The following PLD2 variants were observed in gnomAD, a reference collection of about 807,000 sequenced individuals.
PLD2 encodes the protein phospholipase D2.
In PLD2, 101 loss-of-function variants were observed where a neutral mutation model predicts 119.8. The ratio of observed to expected loss-of-function variants is 0.84; its 90% CI spans 0.72 to 0.99. The LOEUF (loss-of-function observed/expected upper bound fraction) is 0.99, where lower values mean the gene tolerates loss of function less well. PLD2 is among the 50% of genes least tolerant of loss of function. The probability of loss-of-function intolerance (pLI) is 0.00; values close to 1 mark genes in which losing one functional copy is unlikely to be tolerated. For missense variants in PLD2, 1,164 were observed against 1,226.8 expected (o/e 0.95, Z 0.76); for synonymous variants, 494 against 482.8 (o/e 1.02, Z -0.30).
chr17:4,809,015 C>A, intron 4 of PLD2, 85 bp from the exon 5 acceptor site: 1 of 1,082,584 alleles, frequency 9.2e-7, no homozygotes, highest in Non-Finnish European at 1.4e-6. Flanking sequence ...TCTTCTTTTC[C>A]TCCGAGCCCC....
chr17:4,808,153 G>T lies in PLD2; in HGVS notation c.240+39G>T, dbSNP rs1446158078. 3 of 1,593,856 alleles carry T rather than the reference G, an allele frequency of 1.9e-6. No homozygotes were observed. The highest frequency in any genetic ancestry group is 2.6e-6 in the Non-Finnish European group (3 of 1,165,618). ...CCCCAGGGAGGGGGAAAGGGAGGGCGGCCCGGAATGGATCCAAGGTGGCTG... is the reference window on the plus strand; with the variant it reads ...CCCCAGGGAGGGGGAAAGGGAGGGCTGCCCGGAATGGATCCAAGGTGGCTG... On this transcript the variant is annotated intron_variant, in intron 3 of 24. Coordinates refer to ENST00000263088, the MANE Select transcript of PLD2 (RefSeq NM_002663.5). This position sits in a 1 kb window ranked among gnomAD's most constrained non-coding sequence, Gnocchi z 4.1.
chr17:4,821,865 G>A lies in PLD2; in HGVS notation c.2535G>A (p.Leu845=). The A allele has an allele frequency of 6.2e-7, 1 of 1,614,072 alleles. No homozygotes were observed. The highest frequency in any genetic ancestry group is 1.1e-5 in the South Asian group (1 of 91,080). The change falls in exon 24 of 25, where the codon TTG becomes TTA. Residue 845 remains leucine (L), a synonymous_variant. Coordinates refer to ENST00000263088, the MANE Select transcript of PLD2 (RefSeq NM_002663.5). The part of the protein sequence containing the change: ...RDPICDDFFQ[L]WQDMAESNAN... ...CCATCTGTGATGACTTCTTCCAGTT[G>A]TGGCAAGACATGGCTGAGAGCAACG...
In PLD2 at chr17:4,808,470, T is replaced by G; in HGVS notation, c.383+54T>G. 1 of 1,568,296 alleles carries G rather than the reference T, an allele frequency of 6.4e-7. No individual in the cohort carries two copies. Among genetic ancestry groups the G allele is most frequent in the Admixed American group, 1.7e-5 (1 of 58,280 alleles). On this transcript the variant is annotated intron_variant, in intron 4 of 24. Transcript: ENST00000263088. The surrounding 1 kb of genome is among the most constrained non-coding windows in gnomAD (Gnocchi z 4.1). ...AGGGCAGGTGCTCCCCACCCTCCTTTCTGTCTGTCTCACCCCGGGGCCACA... is the reference window on the plus strand; with the variant it reads ...AGGGCAGGTGCTCCCCACCCTCCTTGCTGTCTGTCTCACCCCGGGGCCACA...
Position 4,822,887 on chromosome 17 carries a change from G to A in PLD2, c.*23G>A, listed in dbSNP as rs777949702. On this transcript the variant is annotated 3_prime_UTR_variant, in exon 25 of 25. Coordinates refer to ENST00000263088, the MANE Select transcript of PLD2 (RefSeq NM_002663.5). ...TAGTTGAGGCCCCCGTCAGGGAGAG[G>A]TCACCAGCTGCTGTGCCCCACCACG... 8.9e-6 allele frequency: 12 copies of A among 1,352,004 alleles called. No homozygotes were observed. The highest frequency in any genetic ancestry group is 1.3e-5 in the Non-Finnish European group (12 of 950,212). 83.8% of individuals were successfully genotyped at this position (1,352,004 alleles called of 1,614,324 possible).
At position 4,819,490 on chromosome 17, in the gene PLD2, G is replaced by A. The variant is rs1052751; in HGVS notation, c.2370G>A (p.Leu790=). 261,404 of 1,613,798 alleles carry A rather than the reference G, an allele frequency of 0.16. 21,822 individuals are homozygous for A. Among genetic ancestry groups the A allele is most frequent in the Non-Finnish European group, 0.18 (206,668 of 1,179,862 alleles). ...AGCGGGACAGTGAGCTGGCCGTGCT[G>A]ATCGAGGACACAGAGACGGAACCAT... is the stretch of plus-strand genomic sequence containing the variant. ...LGKRDSELAV[L]IEDTETEPSL... Residue 790 remains leucine (L), a synonymous_variant, in exon 23 of 25, where the codon CTG becomes CTA. Transcript: ENST00000263088. This position sits in a 1 kb window ranked among gnomAD's most constrained non-coding sequence, Gnocchi z 4.2.
chr17:4,821,730 T>C (rs1411568449), intron 23 of PLD2, 63 bp from the exon 24 acceptor site: 2 of 1,195,042 alleles, frequency 1.7e-6, no homozygotes, highest in Non-Finnish European at 1.2e-6. Context: ...AATGTAACTT[T>C]TCTGGTACTC....
Position 4,810,088 on chromosome 17 carries a change from C to T in PLD2, c.860+59C>T, listed in dbSNP as rs1906305205. ...AGTGGTGAGCCCACCCACGGCCTTG[C>T]TGGGAGTTGAGAAAGAGAGACCACA... is the stretch of plus-strand genomic sequence containing the variant. On this transcript the variant is annotated intron_variant, in intron 9 of 24. Transcript: ENST00000263088. 1.8e-5 allele frequency: 28 copies of T among 1,560,384 alleles called. No individual in the cohort carries two copies. The South Asian group carries it at 2.7e-4, about 15-fold the overall frequency.
chr17:4,822,613 T>TAC (rs1452349667), intron 24 of PLD2, 27 bp from the exon 25 acceptor site: 3 of 1,528,298 alleles, frequency 2.0e-6, no homozygotes, highest in Non-Finnish European at 2.7e-6. Flanking sequence ...CCCCAAGCCT[T>TAC]ACTGGCGTCC....
rs763871135 is a variant in PLD2 at position 4,810,011 on chromosome 17, G to T, written c.842G>T (p.Arg281Leu). 1.9e-6 allele frequency: 3 copies of T among 1,613,054 alleles called. No homozygotes were observed. Among genetic ancestry groups the T allele is most frequent in the Non-Finnish European group, 2.5e-6 (3 of 1,180,036 alleles). Reference sequence around the variant, plus strand: ...AGCACGGAGGCACGGCACGGCGTGCGGATCGATACCTCCCACAGGTGAGGC... The same window carrying T: ...AGCACGGAGGCACGGCACGGCGTGCTGATCGATACCTCCCACAGGTGAGGC... ...KRSTEARHGVRIDTSHRSLIL... is the reference protein window; with the variant it reads ...KRSTEARHGVLIDTSHRSLIL... The change falls in exon 9 of 25, where the codon CGG becomes CTG. Residue 281 changes from arginine (R) to leucine (L), a missense_variant. Coordinates refer to ENST00000263088, the MANE Select transcript of PLD2 (RefSeq NM_002663.5).
In PLD2 at chr17:4,820,875, C is replaced by CAA. The variant is rs932131386; in HGVS notation, c.2463-907_2463-906dup. On this transcript the variant is annotated intron_variant, in intron 23 of 24. Transcript: ENST00000263088. ...ACAGGCATGAGCCACCACGCCCGGC[C>CAA]AAAAAAAAAAAACTTTTGTGTTTTG... Among the ~76,000 whole-genome samples the CAA allele has an allele frequency of 5.4e-3, 711 of 132,380 alleles. 3 individuals carry two copies. Among genetic ancestry groups the CAA allele is most frequent in the African/African-American group, 0.018 (639 of 36,076 alleles). 86.8% of individuals were successfully genotyped at this position (132,380 alleles called of 152,430 possible).
chr17:4,810,372 C>T (rs1304103647), intron 9 of PLD2, among the ~76,000 whole-genome samples: 3 of 152,084 alleles, frequency 2.0e-5, no homozygotes, highest in South Asian at 2.1e-4. Context: ...TGGCCGGGCG[C>T]GGTGGCTCAC....
intron 20 of PLD2, 43 bp from the exon 21 acceptor site, chr17:4,818,731 C>T (rs754010544): frequency 1.2e-6 from 2 of 1,612,096 alleles, no homozygotes; most frequent in Non-Finnish European, 1.7e-6. Context: ...CCTCCCCTCC[C>T]CTCTGCCAGC....
intron 23 of PLD2, among the ~76,000 whole-genome samples, chr17:4,820,586 CT>C (rs1288843887): frequency 1.2e-5 from 1 of 86,484 alleles, no homozygotes; most frequent in African/African-American, 4.5e-5. Flanking sequence ...TTTTTTTTTT[CT>C]TTTTTTTTGA....
chr17:4,816,671 C>G lies in PLD2; in HGVS notation c.1507C>G (p.Gln503Glu), dbSNP rs750641014. ...SPATPDLSHN[Q>E]FFWLGKDYSN... ...AGCCACCCCAGACCTCTCTCACAACCAATTCTTCTGGCTGGGCAAGGACTA... is the reference window on the plus strand; with the variant it reads ...AGCCACCCCAGACCTCTCTCACAACGAATTCTTCTGGCTGGGCAAGGACTA... Residue 503 changes from glutamine (Q) to glutamate (E), a missense_variant, in exon 15 of 25, where the codon CAA (glutamine) becomes GAA (glutamate). Coordinates refer to ENST00000263088, the MANE Select transcript of PLD2 (RefSeq NM_002663.5). 2.1e-5 allele frequency: 34 copies of G among 1,614,160 alleles called. 1 individual carries two copies. The highest frequency in any genetic ancestry group is 2.9e-5 in the Non-Finnish European group (34 of 1,180,026).
chr17:4,823,187 G>A lies in PLD2; in HGVS notation c.*323G>A. ...TCAAGCCTCTTATTCCAGGAGAAGG[G>A]GGCTCTGCCCCAGGCCCTACTACCC... is the stretch of plus-strand genomic sequence containing the variant. On this transcript the variant is annotated 3_prime_UTR_variant, in exon 25 of 25. Coordinates refer to ENST00000263088, the MANE Select transcript of PLD2 (RefSeq NM_002663.5). 3.9e-6 allele frequency: 1 copy of A among 256,640 alleles called. No homozygotes were observed. The highest frequency in any genetic ancestry group is 7.4e-6 in the Non-Finnish European group (1 of 135,000). 15.9% of individuals were successfully genotyped at this position (256,640 alleles called of 1,614,324 possible).
chr17:4,813,069 G>A (rs899356916), intron 10 of PLD2, among the ~76,000 whole-genome samples: 3 of 152,180 alleles, frequency 2.0e-5, no homozygotes. Context: ...GAGTGCAGTG[G>A]CGCGATACCA....
chr17:4,819,115 C>G lies in PLD2; in HGVS notation c.2205C>G (p.Ile735Met), dbSNP rs1289057573. 4.3e-6 allele frequency: 7 copies of G among 1,614,090 alleles called. No individual in the cohort carries two copies. Among genetic ancestry groups the G allele is most frequent in the East Asian group, 4.5e-5 (2 of 44,892 alleles). Residue 735 changes from isoleucine to methionine, a missense_variant, in exon 22 of 25, where the codon ATC becomes ATG. Transcript: ENST00000263088. The surrounding 1 kb of genome is among the most constrained non-coding windows in gnomAD (Gnocchi z 4.2). ...CAGCATGGCGGGACTATATTTCCAT[C>G]TGCGGGCTTCGTACACACGGAGAGC... ...MGTAWRDYIS[I>M]CGLRTHGELG... is the part of the protein sequence containing the mutation.
rs1906137394 is a variant in PLD2 at position 4,808,866 on chromosome 17, G to A, written c.384-234G>A. ...CAGCCACCACACCCAACTAATTTTT[G>A]TATATTTTGTAGAGATGGGGTGCTG... On this transcript the variant is annotated intron_variant, in intron 4 of 24. Transcript: ENST00000263088. The surrounding 1 kb of genome is among the most constrained non-coding windows in gnomAD (Gnocchi z 4.1). Among the ~76,000 whole-genome samples the A allele has an allele frequency of 1.3e-5, 2 of 152,034 alleles. No homozygotes were observed. Among genetic ancestry groups the A allele is most frequent in the South Asian group, 4.1e-4 (2 of 4,822 alleles).
At chr17:4,817,085 G>A (rs780410218) in intron 16 of PLD2, 30 bp downstream of exon 16, 29 of 1,607,648 alleles carry the variant, frequency 1.8e-5, no homozygotes, top group South Asian at 2.2e-5. Context: ...GGGGCTGGAG[G>A]TAGGGAGGGA....
Sources: gnomAD v4.1 joint callset for allele counts (sites outside exome capture counted in the v4.1 genomes callset) on GRCh38, gnomAD v4.1.1 for gene constraint, Gnocchi (gnomAD v3.1) non-coding constraint, MANE v1.5 for transcripts, NCBI Gene and HGNC (gene_info 2026-07-23, HGNC 2026-07-21) for gene names.